Variants in LARP1B observed in about 807,000 individuals in gnomAD.
LARP1B encodes the protein la-related protein 1B.
In LARP1B, 76 loss-of-function variants were observed where a neutral mutation model predicts 114.2. The ratio of observed to expected loss-of-function variants is 0.67; its 90% confidence interval spans 0.55 to 0.81. The LOEUF (loss-of-function observed/expected upper bound fraction) is 0.81, where lower values mean the gene tolerates loss of function less well. LARP1B is among the 30% of genes least tolerant of loss of function. The pLI, the probability that LARP1B is intolerant of heterozygous loss-of-function variation, is 0.00. For missense variants in LARP1B, 1,014 were observed against 1,075.8 expected (o/e 0.94, Z 0.80); for synonymous variants, 345 against 348.0 (o/e 0.99, Z 0.10).
chr4:128,067,479 A>G (rs1399273648), intron 1 of LARP1B, among the ~76,000 whole-genome samples: 1 of 152,192 alleles, frequency 6.6e-6, no homozygotes. Context: ...TACAACCTGC[A>G]CATCTAAGTG....
intron 19 of LARP1B, among the ~76,000 whole-genome samples, chr4:128,208,827 C>G (rs1413419620): frequency 1.3e-5 from 2 of 152,178 alleles, no homozygotes; most frequent in Admixed American, 1.3e-4. Context: ...ATTCTCCAGT[C>G]TCATCATAGG....
At chr4:128,184,419 T>C (rs1467426538) in intron 15 of LARP1B, among the ~76,000 whole-genome samples, 1 of 152,168 alleles carries the variant, frequency 6.6e-6, no homozygotes, top group Non-Finnish European at 1.5e-5. Context: ...TTTTTAGCAA[T>C]ACAGTTTTTA....
intron 11 of LARP1B, among the ~76,000 whole-genome samples, chr4:128,127,234 T>C (rs769109404): frequency 1.7e-4 from 23 of 137,650 alleles, no homozygotes; most frequent in Non-Finnish European, 3.4e-4. Context: ...TGATTTTACC[T>C]ATCAGAGACA....
At chr4:128,171,753 A>T (rs983284103) in intron 12 of LARP1B, among the ~76,000 whole-genome samples, 6 of 152,182 alleles carry the variant, frequency 3.9e-5, no homozygotes, top group Non-Finnish European at 8.8e-5. Context: ...ATTGCCAAGG[A>T]TATTTTCACT....
intron 8 of LARP1B, among the ~76,000 whole-genome samples, chr4:128,103,561 C>CT (rs1049704607): frequency 0.039 from 5,190 of 131,836 alleles, 148 homozygotes; most frequent in African/African-American, 0.049. Context: ...GCCCCTTCCT[C>CT]TTTTTTTTTT....
intron 1 of LARP1B, among the ~76,000 whole-genome samples, chr4:128,066,942 C>T (rs984426367): frequency 3.3e-5 from 5 of 151,510 alleles, no homozygotes; most frequent in Non-Finnish European, 7.4e-5. Flanking sequence ...GGACTACAGG[C>T]GCGCGCAACC....
At chr4:128,200,113 T>C (rs1302628370) in intron 16 of LARP1B, among the ~76,000 whole-genome samples, 2 of 152,142 alleles carry the variant, frequency 1.3e-5, no homozygotes, top group African/African-American at 2.4e-5. Flanking sequence ...TTTATTATAC[T>C]CTTCTTGTTG....
chr4:128,077,994 A>ATTTTT, intron 4 of LARP1B, 32 bp downstream of exon 4: 1 of 1,432,760 alleles, frequency 7.0e-7, no homozygotes, highest in South Asian at 1.5e-5. Flanking sequence ...TTTTGATTTT[A>ATTTTT]GTTTTTGAAG....
intron 15 of LARP1B, among the ~76,000 whole-genome samples, chr4:128,193,652 C>T (rs1172949097): frequency 2.0e-5 from 3 of 151,904 alleles, no homozygotes; most frequent in Non-Finnish European, 2.9e-5. Context: ...GTTTCGCTCT[C>T]GTTGCCCAGG....
intron 10 of LARP1B, 150 bp from the exon 11 acceptor site, chr4:128,121,676 A>G: frequency 1.8e-6 from 1 of 555,374 alleles, no homozygotes; most frequent in South Asian, 3.2e-5. Flanking sequence ...GGCCAAAATA[A>G]TACTCACTTG....
intron 15 of LARP1B, among the ~76,000 whole-genome samples, chr4:128,196,552 A>G (rs1035824275): frequency 4.6e-5 from 7 of 151,000 alleles, no homozygotes; most frequent in Admixed American, 1.3e-4. Context: ...ATTAACACCA[A>G]TCCTTCTCAA....
intron 8 of LARP1B, among the ~76,000 whole-genome samples, chr4:128,100,417 C>T (rs777754232): frequency 6.6e-5 from 10 of 151,988 alleles, no homozygotes; most frequent in Non-Finnish European, 1.3e-4. Flanking sequence ...GTACTACAGG[C>T]GCACGCCACC....
intron 8 of LARP1B, among the ~76,000 whole-genome samples, chr4:128,106,441 ATT>A (rs1409913918): frequency 6.6e-6 from 1 of 152,116 alleles, no homozygotes; most frequent in Non-Finnish European, 1.5e-5. Context: ...ATTTATCCTA[ATT>A]TCTAAAAGGT....
At chr4:128,184,304 G>A (rs1042770168) in intron 15 of LARP1B, among the ~76,000 whole-genome samples, 6 of 152,098 alleles carry the variant, frequency 3.9e-5, no homozygotes, top group South Asian at 2.1e-4. Flanking sequence ...CATTCCAACC[G>A]TCAGCAACCA....
chr4:128,107,237 T>A lies in LARP1B; in HGVS notation c.912T>A (p.Ser304Arg). 1.2e-6 allele frequency: 2 copies of A among 1,614,144 alleles called. No homozygotes were observed. Among genetic ancestry groups the A allele is most frequent in the South Asian group, 2.2e-5 (2 of 91,082 alleles). The part of the protein sequence containing the change: ...KWPIPGPPPR[S>R]VPPTDFSQLI... ...CAATTCCAGGCCCTCCTCCACGCAGTGTGCCACCAACAGACTTCTCTCAAC... is the reference window on the plus strand; with the variant it reads ...CAATTCCAGGCCCTCCTCCACGCAGAGTGCCACCAACAGACTTCTCTCAAC... Residue 304 changes from serine to arginine, a missense_variant, in exon 9 of 20, where the codon AGT becomes AGA. By Grantham distance (110) the Ser-to-Arg change is moderately radical. Coordinates refer to ENST00000326639, the MANE Select transcript of LARP1B (RefSeq NM_018078.4).
chr4:128,116,592 A>C (rs912795029), intron 10 of LARP1B, among the ~76,000 whole-genome samples: 6 of 152,162 alleles, frequency 3.9e-5, no homozygotes, highest in Non-Finnish European at 7.4e-5. Context: ...TTTATGGCCA[A>C]ACAATGCCAG....
chr4:128,148,279 A>G (rs1731200265), intron 11 of LARP1B, among the ~76,000 whole-genome samples: 1 of 151,926 alleles, frequency 6.6e-6, no homozygotes, highest in Non-Finnish European at 1.5e-5. Flanking sequence ...AAAATATAAA[A>G]AACTAGCTGG....
Position 128,121,975 on chromosome 4 carries a change from T to C in LARP1B, c.1311T>C (p.Asp437=). 2 of 1,613,002 alleles carry C rather than the reference T, an allele frequency of 1.2e-6. No individual in the cohort carries two copies. Among genetic ancestry groups the C allele is most frequent in the South Asian group, 2.2e-5 (2 of 91,020 alleles). ...TFTDWSDNDS[D]YEIDDQDLNK... is the part of the protein sequence containing the mutation. Reference sequence around the variant, plus strand: ...CTGATTGGTCTGATAATGATTCAGATTATGAAATTGATGACCAAGACTTAA... The same window carrying C: ...CTGATTGGTCTGATAATGATTCAGACTATGAAATTGATGACCAAGACTTAA... Residue 437 remains aspartate, a synonymous_variant, in exon 11 of 20, where the codon GAT becomes GAC. Coordinates refer to ENST00000326639, the MANE Select transcript of LARP1B (RefSeq NM_018078.4).
intron 11 of LARP1B, among the ~76,000 whole-genome samples, chr4:128,161,196 T>C (rs1252703904): frequency 6.6e-6 from 1 of 152,194 alleles, no homozygotes; most frequent in Non-Finnish European, 1.5e-5. Flanking sequence ...AGGGTCTTTA[T>C]GGTTCACCTG....
Sources: allele counts gnomAD v4.1 joint callset (sites outside exome capture counted in the v4.1 genomes callset), GRCh38; gene constraint gnomAD v4.1.1; transcripts MANE v1.5; gene names NCBI Gene and HGNC (gene_info 2026-07-23, HGNC 2026-07-21).